The following CDKN1C variants were observed in gnomAD, a reference collection of about 807,000 sequenced individuals.
The protein encoded by CDKN1C is cyclin dependent kinase inhibitor 1C.
Under a neutral mutation model 16.5 loss-of-function variants are expected in CDKN1C, and 7 were observed. The observed-to-expected ratio is 0.42, with a 90% CI of 0.24 to 0.80. The LOEUF is 0.80. Among genes scored for constraint, CDKN1C ranks in the 30% least tolerant of loss-of-function variants. The probability of loss-of-function intolerance (pLI) is 0.26; values close to 1 mark genes in which losing one functional copy is unlikely to be tolerated. For missense variants in CDKN1C, 429 were observed against 437.3 expected, an observed-to-expected ratio of 0.98 and a Z score of 0.17; for synonymous variants, 288 against 214.4, an observed-to-expected ratio of 1.34 and a Z score of -3.00.
At position 2,885,658 on chromosome 11, in the gene CDKN1C, C is replaced by A; in HGVS notation, c.-35G>T. The A allele has an allele frequency of 1.3e-6, 1 of 796,434 alleles. No homozygotes were observed. The highest frequency in any genetic ancestry group is 1.8e-5 in the South Asian group (1 of 57,002). 49.3% of individuals were successfully genotyped at this position (796,434 alleles called of 1,614,324 possible). ...CCTGGCTGTCCGGTGGTGGACTCTT[C>A]TGCGTCGGGTTCGCCTGTCTCGTCC... is the stretch of plus-strand genomic sequence containing the variant. On this transcript the variant is annotated 5_prime_UTR_variant, in exon 1 of 4. Coordinates refer to ENST00000440480, the MANE Select transcript of CDKN1C (RefSeq NM_001122630.2).
At position 2,884,776 on chromosome 11, in the gene CDKN1C, G is replaced by T. The variant is rs1349273076; in HGVS notation, c.681C>A (p.Leu227=). 1.3e-6 allele frequency: 2 copies of T among 1,504,510 alleles called. No homozygotes were observed. Among genetic ancestry groups the T allele is most frequent in the Non-Finnish European group, 1.8e-6 (2 of 1,129,316 alleles). 93.2% of individuals were successfully genotyped at this position (1,504,510 alleles called of 1,614,324 possible). Residue 227 remains leucine, a synonymous_variant, in exon 2 of 4, where the codon CTC becomes CTA. Transcript: ENST00000440480. Reference sequence around the variant, plus strand: ...AAATCCCCGAGTGCAGCTGGTCAGCGAGAGGCTCCTGGCCGCGCTGCCCCT... The same window carrying T: ...AAATCCCCGAGTGCAGCTGGTCAGCTAGAGGCTCCTGGCCGCGCTGCCCCT... The part of the protein sequence containing the change: ...ANQGQRGQEP[L]ADQLHSGISG...
intron 2 of CDKN1C, 139 bp downstream of exon 2, chr11:2,884,531 G>C (rs1392067240): frequency 2.3e-6 from 1 of 427,604 alleles, no homozygotes. Flanking sequence ...TAAGGGCGCA[G>C]CCGCGCCCTG....
Position 2,884,966 on chromosome 11 carries a change from ACCGCGACCGGAG to A in CDKN1C, c.479_490del (p.Ala160_Ala163del), listed in dbSNP as rs565544512. On this transcript the variant is annotated inframe_deletion, in exon 2 of 4. Transcript: ENST00000440480. ...GGCCGGGGCCGGGGCCAGGACCGCG[ACCGCGACCGGAG>A]CCGCGACCGGAGCCGCGACCGGAGC... 0.23 allele frequency: 225,362 copies of A among 980,206 alleles called. 29,470 individuals carry two copies. Among genetic ancestry groups the A allele is most frequent in the Middle Eastern group, 0.25 (658 of 2,588 alleles). The allele number at this position is 980,206 out of a possible 1,614,324, so 60.7% of individuals were successfully genotyped here.
chr11:2,885,501 G>T (rs1160981341), intron 1 of CDKN1C, 35 bp from the exon 2 acceptor site: 1 of 1,541,034 alleles, frequency 6.5e-7, no homozygotes, highest in East Asian at 2.4e-5. Flanking sequence ...GCCCGGGGCT[G>T]CGCAAACGCG....
In CDKN1C at chr11:2,884,671, G is replaced by A. The variant is rs1430282098; in HGVS notation, c.786C>T (p.Ser262=). The A allele has an allele frequency of 2.9e-6, 4 of 1,385,748 alleles. No homozygotes were observed. The highest frequency in any genetic ancestry group is 3.0e-5 in the East Asian group (1 of 33,724). 85.8% of individuals were successfully genotyped at this position (1,385,748 alleles called of 1,614,324 possible). A position where few individuals can be genotyped will look rare whatever the true frequency, so the allele number is the denominator to read the frequency against. ...GGGGCGGGGCCGTGCGGGGCTCACC[G>A]GAGATCAGAGGCCCGGACAGCTTCT... ...AIKKLSGPLI[S]DFFAKRKRSA... The change falls in exon 2 of 4, where the codon TCC becomes TCT. Residue 262 remains serine, a splice_region_variant and synonymous_variant. Transcript: ENST00000440480.
chr11:2,884,167 C>G, intron 2 of CDKN1C, 33 bp from the exon 3 acceptor site: 1 of 1,359,882 alleles, frequency 7.4e-7, no homozygotes, highest in African/African-American at 1.5e-5. Context: ...CCGGTCAGGG[C>G]GGGGCCGGCC....
At position 2,885,257 on chromosome 11, in the gene CDKN1C, T is replaced by A; in HGVS notation, c.200A>T (p.Gln67Leu). The A allele has an allele frequency of 6.4e-7, 1 of 1,569,474 alleles. No individual in the cohort carries two copies. Among genetic ancestry groups the A allele is most frequent in the Non-Finnish European group, 8.6e-7 (1 of 1,159,140 alleles). ...CGAGTCGCTGTCCACTTCGGTCCAC[T>A]GCAGGCGTCCAGGGCCCCGCAGCGG... is the stretch of plus-strand genomic sequence containing the variant. ...DMPLRGPGRL[Q>L]WTEVDSDSVP... The change falls in exon 2 of 4, where the codon CAG (glutamine) becomes CTG (leucine). Residue 67 changes from glutamine (Q) to leucine (L), a missense_variant. By Grantham distance (113) the Gln-to-Leu change is moderately radical. Coordinates refer to ENST00000440480, the MANE Select transcript of CDKN1C (RefSeq NM_001122630.2).
In CDKN1C at chr11:2,885,688, G is replaced by C. The variant is rs1392238635; in HGVS notation, c.-65C>G. 1 of 648,518 alleles carries C rather than the reference G, an allele frequency of 1.5e-6. No homozygotes were observed. The highest frequency in any genetic ancestry group is 1.8e-5 in the African/African-American group (1 of 54,680). The allele number at this position is 648,518 out of a possible 1,614,324, so 40.2% of individuals were successfully genotyped here. A position where few individuals can be genotyped will look rare whatever the true frequency, so the allele number is the denominator to read the frequency against. On this transcript the variant is annotated 5_prime_UTR_variant, in exon 1 of 4. Transcript: ENST00000440480. ...TCGGGTTCGCCTGTCTCGTCCGGAC[G>C]GCAGCCGCGCCCCCTCGATGCCTGC...
chr11:2,885,014 G>GCCGGGGCTGGAGCCAGGA lies in CDKN1C; in HGVS notation c.425_442dup (p.Val142_Pro147dup), dbSNP rs1443296311. 33 of 1,199,858 alleles carry GCCGGGGCTGGAGCCAGGA rather than the reference G, an allele frequency of 2.8e-5. No homozygotes were observed. Among genetic ancestry groups the GCCGGGGCTGGAGCCAGGA allele is most frequent in the Admixed American group, 4.3e-5 (1 of 23,088 alleles). 74.3% of individuals were successfully genotyped at this position (1,199,858 alleles called of 1,614,324 possible). Reference sequence around the variant, plus strand: ...AGCCGCGACCGGAGCCGGAGCCGGGGCCGGGGCTGGAGCCAGGACCGGGAC... The same window carrying GCCGGGGCTGGAGCCAGGA: ...AGCCGCGACCGGAGCCGGAGCCGGGGCCGGGGCTGGAGCCAGGACCGGGGCTGGAGCCAGGACCGGGAC... On this transcript the variant is annotated inframe_insertion, in exon 2 of 4. Transcript: ENST00000440480.
rs1438714819 is a variant in CDKN1C, at chr11:2,885,690, C to T, written c.-67G>A. On this transcript the variant is annotated 5_prime_UTR_variant, in exon 1 of 4. Coordinates refer to ENST00000440480, the MANE Select transcript of CDKN1C (RefSeq NM_001122630.2). ...GGGTTCGCCTGTCTCGTCCGGACGG[C>T]AGCCGCGCCCCCTCGATGCCTGCTG... is the stretch of plus-strand genomic sequence containing the variant. The T allele has an allele frequency of 9.3e-6, 6 of 642,314 alleles. No individual in the cohort carries two copies. The highest frequency in any genetic ancestry group is 1.3e-5 in the Non-Finnish European group (5 of 374,634). 39.8% of individuals were successfully genotyped at this position (642,314 alleles called of 1,614,324 possible).
At chr11:2,885,546 G>A (rs1848987792) in intron 1 of CDKN1C, 80 bp from the exon 2 acceptor site, 1 of 1,531,740 alleles carries the variant, frequency 6.5e-7, no homozygotes, top group African/African-American at 1.4e-5. Flanking sequence ...GAGAAGAAGG[G>A]GAAAGGAGAG....
chr11:2,884,747 C>T lies in CDKN1C; in HGVS notation c.710G>A (p.Gly237Glu). ...LADQLHSGIS[G>E]RPAAGTAAAS... is the part of the protein sequence containing the mutation. ...GGCCGCGGTGCCGGCCGCGGGACGTCCCGAAATCCCCGAGTGCAGCTGGTC... is the reference window on the plus strand; with the variant it reads ...GGCCGCGGTGCCGGCCGCGGGACGTTCCGAAATCCCCGAGTGCAGCTGGTC... The change falls in exon 2 of 4, where the codon GGA (glycine) becomes GAA (glutamate). Residue 237 changes from glycine (G) to glutamate (E), a missense_variant. Coordinates refer to ENST00000440480, the MANE Select transcript of CDKN1C (RefSeq NM_001122630.2). 6.6e-7 allele frequency: 1 copy of T among 1,510,666 alleles called. No individual in the cohort carries two copies. Among genetic ancestry groups the T allele is most frequent in the Non-Finnish European group, 8.8e-7 (1 of 1,133,324 alleles). 93.6% of individuals were successfully genotyped at this position (1,510,666 alleles called of 1,614,324 possible). A position where few individuals can be genotyped will look rare whatever the true frequency, so the allele number is the denominator to read the frequency against.
chr11:2,884,228 G>T, intron 2 of CDKN1C, 94 bp from the exon 3 acceptor site: 1 of 994,630 alleles, frequency 1.0e-6, no homozygotes, highest in Non-Finnish European at 1.2e-6. Flanking sequence ...GGCCGGCCGG[G>T]GTGGGGGCGC....
In CDKN1C at chr11:2,884,765, A is replaced by C; in HGVS notation, c.692T>G (p.Leu231Arg). 1 of 1,506,724 alleles carries C rather than the reference A, an allele frequency of 6.6e-7. No individual in the cohort carries two copies. Among genetic ancestry groups the C allele is most frequent in the Non-Finnish European group, 8.8e-7 (1 of 1,130,756 alleles). 93.3% of individuals were successfully genotyped at this position (1,506,724 alleles called of 1,614,324 possible). ...QRGQEPLADQ[L>R]HSGISGRPAA... ...GGGACGTCCCGAAATCCCCGAGTGC[A>C]GCTGGTCAGCGAGAGGCTCCTGGCC... The change falls in exon 2 of 4, where the codon CTG becomes CGG. Residue 231 changes from leucine (L) to arginine (R), a missense_variant. Leu to Arg is a moderately radical substitution (Grantham distance 102). Coordinates refer to ENST00000440480, the MANE Select transcript of CDKN1C (RefSeq NM_001122630.2).
At chr11:2,884,629 C>A (rs1262139981) in intron 2 of CDKN1C, 41 bp downstream of exon 2, 7 of 1,175,696 alleles carry the variant, frequency 6.0e-6, no homozygotes, top group Middle Eastern at 3.3e-4. Flanking sequence ...CCGGACAAAG[C>A]GGGGCCGGGC....
Position 2,885,185 on chromosome 11 carries a change from A to T in CDKN1C, c.272T>A (p.Leu91Gln), listed in dbSNP as rs774805080. 3 of 1,531,540 alleles carry T rather than the reference A, an allele frequency of 2.0e-6. No individual in the cohort carries two copies. The South Asian group carries it at 3.6e-5, about 18-fold the overall frequency. 94.9% of individuals were successfully genotyped at this position (1,531,540 alleles called of 1,614,324 possible). A position where few individuals can be genotyped will look rare whatever the true frequency, so the allele number is the denominator to read the frequency against. ...RETVQVGRCR[L>Q]LLAPRPVAVA... ...CGCGACGGGCCGCGGCGCCAGCAGC[A>T]GGCGGCAGCGCCCCACCTGCACCGT... Residue 91 changes from leucine (L) to glutamine (Q), a missense_variant, in exon 2 of 4, where the codon CTG becomes CAG. Transcript: ENST00000440480.
chr11:2,885,109 G>C lies in CDKN1C; in HGVS notation c.348C>G (p.Asp116Glu). ...PPLEPAAESL[D>E]GLEEAPEQLP... ...GCTGCTCCGGCGCCTCCTCGAGGCC[G>C]TCGAGGGACTCAGCGGCCGGCTCGA... The change falls in exon 2 of 4, where the codon GAC (aspartate) becomes GAG (glutamate). Residue 116 changes from aspartate (D) to glutamate (E), a missense_variant. By Grantham distance (45) the Asp-to-Glu change is conservative. Coordinates refer to ENST00000440480, the MANE Select transcript of CDKN1C (RefSeq NM_001122630.2). The C allele has an allele frequency of 6.9e-7, 1 of 1,455,110 alleles. No homozygotes were observed. Among genetic ancestry groups the C allele is most frequent in the Non-Finnish European group, 9.0e-7 (1 of 1,115,244 alleles). 90.1% of individuals were successfully genotyped at this position (1,455,110 alleles called of 1,614,324 possible).
rs1451014097 is a variant in CDKN1C, at chr11:2,885,157, G to A, written c.300C>T (p.Val100=). 6.6e-7 allele frequency: 1 copy of A among 1,523,796 alleles called. No homozygotes were observed. The highest frequency in any genetic ancestry group is 2.0e-5 in the Admixed American group (1 of 49,988). The allele number at this position is 1,523,796 out of a possible 1,614,324, so 94.4% of individuals were successfully genotyped here. The part of the protein sequence containing the change: ...RLLLAPRPVA[V]AVAVSPPLEP... Reference sequence around the variant, plus strand: ...CGAGGGGCGGGCTGACAGCCACCGCGACCGCGACGGGCCGCGGCGCCAGCA... The same window carrying A: ...CGAGGGGCGGGCTGACAGCCACCGCAACCGCGACGGGCCGCGGCGCCAGCA... The change falls in exon 2 of 4, where the codon GTC becomes GTT. Residue 100 remains valine (V), a synonymous_variant. Transcript: ENST00000440480.
Position 2,884,848 on chromosome 11 carries a change from CG to C in CDKN1C, c.608del (p.Pro203ArgfsTer58), listed in dbSNP as rs483352985. On this transcript the variant is annotated frameshift_variant, in exon 2 of 4. Coordinates refer to ENST00000440480, the MANE Select transcript of CDKN1C (RefSeq NM_001122630.2). LOFTEE classifies it high-confidence loss of function. ...PAPAPAPAPAPAPDAAPQESA... is the reference protein window; with the variant it reads ...PAPAPAPAPAXAPDAAPQESA... ...TCTCTTGAGGCGCCGCGTCCGGGGC[CG>C]GGGCCGGGGCGGGGGCCGGGGCCGG... 2.7e-6 allele frequency: 3 copies of C among 1,125,018 alleles called. No individual in the cohort carries two copies. Among genetic ancestry groups the C allele is most frequent in the Non-Finnish European group, 3.3e-6 (3 of 917,888 alleles). The allele number at this position is 1,125,018 out of a possible 1,614,324, so 69.7% of individuals were successfully genotyped here. A position where few individuals can be genotyped will look rare whatever the true frequency, so the allele number is the denominator to read the frequency against.
Sources: gnomAD v4.1 joint callset for allele counts on GRCh38, gnomAD v4.1.1 for gene constraint, MANE v1.5 for transcripts, NCBI Gene and HGNC (gene_info 2026-07-23, HGNC 2026-07-21) for gene names.